Variants in CSMD2 observed in about 807,000 individuals in gnomAD.
The protein encoded by CSMD2 is CUB and sushi domain-containing protein 2.
In CSMD2, 130 loss-of-function variants were observed where a neutral mutation model predicts 398.5. That is an observed-to-expected ratio of 0.33 (90% CI 0.28 to 0.38). The LOEUF (loss-of-function observed/expected upper bound fraction) is 0.38. Ranked by LOEUF, CSMD2 falls within the 10% of genes least tolerant of loss-of-function variation. CSMD2 has a pLI of 1.00. For missense variants in CSMD2, 3,829 were observed against 4,764.9 expected, an observed-to-expected ratio of 0.80 and a Z score of 5.78; for synonymous variants, 1,828 against 1,908.5, an observed-to-expected ratio of 0.96 and a Z score of 1.10.
chr1:33,582,385 CAA>C (rs1294931003), intron 47 of CSMD2, among the ~76,000 whole-genome samples: 2 of 152,184 alleles, frequency 1.3e-5, no homozygotes, highest in East Asian at 3.9e-4. Context: ...ACTATATGAA[CAA>C]AACAGATCAT....
At chr1:33,586,004 G>A (rs955053130) in intron 46 of CSMD2, among the ~76,000 whole-genome samples, 2 of 152,188 alleles carry the variant, frequency 1.3e-5, no homozygotes, top group Non-Finnish European at 2.9e-5. Flanking sequence ...GATGAGTGGA[G>A]ACTATTTTTT....
At chr1:34,079,491 T>TA (rs1185915292) in intron 2 of CSMD2, among the ~76,000 whole-genome samples, 1 of 152,204 alleles carries the variant, frequency 6.6e-6, no homozygotes, top group Non-Finnish European at 1.5e-5. Context: ...AACTTTTATT[T>TA]AAAAAATTTC....
At chr1:34,054,897 C>G (rs749222257) in intron 2 of CSMD2, among the ~76,000 whole-genome samples, 11 of 152,136 alleles carry the variant, frequency 7.2e-5, no homozygotes, top group Non-Finnish European at 1.3e-4. Flanking sequence ...CCAGTCTATT[C>G]TTTGGGTTTG....
chr1:33,662,092 G>A (rs190669445), intron 26 of CSMD2, among the ~76,000 whole-genome samples: 1 of 152,300 alleles, frequency 6.6e-6, no homozygotes, highest in Admixed American at 6.5e-5. Flanking sequence ...CCAGGGAGAG[G>A]CAGGACCAAT....
chr1:33,597,926 A>T (rs1639946857), intron 44 of CSMD2, among the ~76,000 whole-genome samples: 2 of 152,258 alleles, frequency 1.3e-5, no homozygotes, highest in African/African-American at 4.8e-5. Context: ...GTGCATCAAC[A>T]TGAATTTCAA....
chr1:33,622,229 A>G lies in CSMD2; in HGVS notation c.5765T>C (p.Leu1922Pro). The G allele has an allele frequency of 6.2e-7, 1 of 1,614,102 alleles. No homozygotes were observed. The highest frequency in any genetic ancestry group is 8.5e-7 in the Non-Finnish European group (1 of 1,179,974). ...PALLNSTSNQ[L>P]YLHFYSDISV... The stretch of plus-strand genomic sequence containing the variant: ...GATATCTGAGTAGAAATGAAGGTAG[A>G]GCTGGTTGGAGGTGCTGTTCAGAAG... Residue 1922 changes from leucine to proline, a missense_variant, in exon 37 of 71, where the codon CTC becomes CCC. Around this residue, in one of 5 missense-constraint regions of CSMD2, gnomAD observed 2,001 missense variants for 2,567.1 expected, o/e 0.78. Coordinates refer to ENST00000373381, the MANE Select transcript of CSMD2 (RefSeq NM_001281956.2).
intron 21 of CSMD2, chr1:33,709,614 CGAG>C (rs1645917963): frequency 8.4e-6 from 3 of 356,120 alleles, no homozygotes; most frequent in Non-Finnish European, 1.0e-5. Flanking sequence ...CAGAAATGAC[CGAG>C]GAGGAGGTCA....
chr1:34,002,103 A>G (rs1646923203), intron 3 of CSMD2, among the ~76,000 whole-genome samples: 1 of 152,186 alleles, frequency 6.6e-6, no homozygotes, highest in Non-Finnish European at 1.5e-5. Flanking sequence ...GTATGTAGCA[A>G]GCTCACTTTG....
chr1:33,617,444 C>T, intron 38 of CSMD2, 55 bp downstream of exon 38: 2 of 1,395,146 alleles, frequency 1.4e-6, no homozygotes, highest in Non-Finnish European at 2.0e-6. Flanking sequence ...GTAAGGCTGG[C>T]CAACCACATC....
intron 2 of CSMD2, among the ~76,000 whole-genome samples, chr1:34,052,495 C>CTGTGGG (rs1653310813): frequency 7.5e-6 from 1 of 134,094 alleles, no homozygotes; most frequent in South Asian, 2.7e-4. Flanking sequence ...TATGGGACAA[C>CTGTGGG]TGTGTGTGTG....
intron 3 of CSMD2, among the ~76,000 whole-genome samples, chr1:33,960,179 C>T (rs1247030487): frequency 6.6e-6 from 1 of 152,270 alleles, no homozygotes; most frequent in East Asian, 1.9e-4. Flanking sequence ...TGGCCTCTTG[C>T]CCCACCCTAT....
Position 33,533,174 on chromosome 1 carries a change from A to C in CSMD2, c.10047T>G (p.Asp3349Glu). The C allele has an allele frequency of 6.2e-7, 1 of 1,613,948 alleles. No homozygotes were observed. Among genetic ancestry groups the C allele is most frequent in the Non-Finnish European group, 8.5e-7 (1 of 1,179,976 alleles). Residue 3349 changes from aspartate (D) to glutamate (E), a missense_variant, in exon 64 of 71, where the codon GAT becomes GAG. Transcript: ENST00000373381. This position sits in a 1 kb window ranked among gnomAD's most constrained non-coding sequence, Gnocchi z 4.2. The stretch of plus-strand genomic sequence containing the variant: ...TGAGCGTGTAGCCCATGGAGGGCAA[A>C]TCCAGGGCCCCGACGTTGGCATGCG... ...TPTHANVGAL[D>E]LPSMGYTLIY...
At position 34,164,825 on chromosome 1, in the gene CSMD2, G is replaced by T; in HGVS notation, c.187+86C>A. 9.6e-7 allele frequency: 1 copy of T among 1,038,894 alleles called. No homozygotes were observed. The highest frequency in any genetic ancestry group is 4.8e-5 in the South Asian group (1 of 20,882). The allele number at this position is 1,038,894 out of a possible 1,614,324, so 64.4% of individuals were successfully genotyped here. A position where few individuals can be genotyped will look rare whatever the true frequency, so the allele number is the denominator to read the frequency against. On this transcript the variant is annotated intron_variant, in intron 1 of 70. Coordinates refer to ENST00000373381, the MANE Select transcript of CSMD2 (RefSeq NM_001281956.2). The surrounding 1 kb of genome is among the most constrained non-coding windows in gnomAD (Gnocchi z 6.2). ...AGGCAGGGATAGAGGCGGGGGGAGG[G>T]ACTGGGACCGGGTCGAGGATGGGTG...
At position 33,520,949 on chromosome 1, in the gene CSMD2, A is replaced by G. The variant is rs183681580; in HGVS notation, c.10597+514T>C. 1.3e-3 allele frequency among the ~76,000 whole-genome samples: 191 copies of G among 152,310 alleles called. 1 individual carries two copies. Among genetic ancestry groups the G allele is most frequent in the Non-Finnish European group, 2.5e-3 (168 of 68,026 alleles). ...TCCAAGGTGTGGATGTTTGACATGG[A>G]TGACAGGAAGCACGCTAGGTAAAGA... On this transcript the variant is annotated intron_variant, in intron 68 of 70. Coordinates refer to ENST00000373381, the MANE Select transcript of CSMD2 (RefSeq NM_001281956.2).
chr1:33,533,303 T>C lies in CSMD2; in HGVS notation c.9992-74A>G. ...AGGGGCCCTTTCGACCATTCCCCTG[T>C]TCCTAGATAGAATATCCTCTTCCTT... On this transcript the variant is annotated intron_variant, in intron 63 of 70. Transcript: ENST00000373381. This position sits in a 1 kb window ranked among gnomAD's most constrained non-coding sequence, Gnocchi z 4.2. 7.6e-7 allele frequency: 1 copy of C among 1,315,964 alleles called. No homozygotes were observed. The highest frequency in any genetic ancestry group is 1.1e-6 in the Non-Finnish European group (1 of 938,356). The allele number at this position is 1,315,964 out of a possible 1,614,324, so 81.5% of individuals were successfully genotyped here. A position where few individuals can be genotyped will look rare whatever the true frequency, so the allele number is the denominator to read the frequency against.
At chr1:33,747,726 CT>C (rs1390473753) in intron 13 of CSMD2, among the ~76,000 whole-genome samples, 1 of 152,172 alleles carries the variant, frequency 6.6e-6, no homozygotes, top group Non-Finnish European at 1.5e-5. Flanking sequence ...CAAAGTGACT[CT>C]GAATACTCAA....
chr1:34,049,372 T>C (rs924196424), intron 2 of CSMD2, among the ~76,000 whole-genome samples: 1 of 152,166 alleles, frequency 6.6e-6, no homozygotes, highest in African/African-American at 2.4e-5. Context: ...TCTAGGATTT[T>C]TCAGGGCCAC....
chr1:33,848,360 A>T (rs1638438565), intron 5 of CSMD2, among the ~76,000 whole-genome samples: 1 of 152,220 alleles, frequency 6.6e-6, no homozygotes, highest in African/African-American at 2.4e-5. Context: ...AAAGCCCATC[A>T]AGAGGAGGCA....
rs143845268 is a variant in CSMD2 at position 33,985,452 on chromosome 1, G to A, written c.517+47142C>T. ...CTGGAGGAAGGCAGGACGTAGCCAC[G>A]TCTGCAGGGCTTGGCAGAGAGGTGG... On this transcript the variant is annotated intron_variant, in intron 3 of 70. Transcript: ENST00000373381. Among the ~76,000 whole-genome samples the A allele has an allele frequency of 4.9e-4, 74 of 152,336 alleles. No homozygotes were observed. In the East Asian group the frequency reaches 0.013, roughly 26 times the overall value.
Sources: gnomAD v4.1 joint callset for allele counts (sites outside exome capture counted in the v4.1 genomes callset) on GRCh38, gnomAD v4.1.1 for gene constraint, gnomAD v4.1.1 regional missense constraint, Gnocchi (gnomAD v3.1) non-coding constraint, MANE v1.5 for transcripts, NCBI Gene and HGNC (gene_info 2026-07-23, HGNC 2026-07-21) for gene names.